The following SLC22A15 variants were observed in gnomAD, a reference collection of about 807,000 sequenced individuals.
SLC22A15 encodes flipt 1.
In SLC22A15, 45 loss-of-function variants were observed where a neutral mutation model predicts 62.7. The ratio of observed to expected loss-of-function variants is 0.72; its 90% CI spans 0.56 to 0.92. SLC22A15 has a LOEUF of 0.92. Among genes scored for constraint, SLC22A15 ranks in the 40% least tolerant of loss-of-function variants. The probability of loss-of-function intolerance (pLI) is 0.00; values close to 1 mark genes in which losing one functional copy is unlikely to be tolerated. For missense variants in SLC22A15, 622 were observed against 665.6 expected, an observed-to-expected ratio of 0.93 and a Z score of 0.72; for synonymous variants, 264 against 267.0, an observed-to-expected ratio of 0.99 and a Z score of 0.11.
chr1:116,055,090 C>A (rs1658164976), intron 8 of SLC22A15, among the ~76,000 whole-genome samples: 1 of 149,284 alleles, frequency 6.7e-6, no homozygotes, highest in Non-Finnish European at 1.5e-5. Context: ...CACAAAAAAC[C>A]CTTCAAAAAA....
At chr1:116,063,431 G>A (rs150922334) in intron 9 of SLC22A15, among the ~76,000 whole-genome samples, 2,349 of 152,246 alleles carry the variant, frequency 0.015, 38 homozygotes, top group South Asian at 0.026. Context: ...CTGAAAGCAA[G>A]AAACACACCC....
At chr1:115,995,696 C>T (rs1468836433) in intron 2 of SLC22A15, among the ~76,000 whole-genome samples, 3 of 152,322 alleles carry the variant, frequency 2.0e-5, no homozygotes, top group African/African-American at 7.2e-5. Flanking sequence ...ACCATATGTA[C>T]ATAATCTTGG....
intron 2 of SLC22A15, among the ~76,000 whole-genome samples, chr1:116,019,381 A>C (rs1036995284): frequency 1.3e-5 from 2 of 152,260 alleles, no homozygotes; most frequent in Admixed American, 6.5e-5. Context: ...GTGGGAGTGC[A>C]TCATAATAAT....
At chr1:115,996,854 T>A (rs888933583) in intron 2 of SLC22A15, among the ~76,000 whole-genome samples, 2 of 152,262 alleles carry the variant, frequency 1.3e-5, no homozygotes, top group African/African-American at 4.8e-5. Flanking sequence ...TTCATCTAAG[T>A]TGTCGCTTAT....
intron 1 of SLC22A15, among the ~76,000 whole-genome samples, chr1:115,976,946 C>T (rs1456213957): frequency 2.0e-5 from 3 of 152,110 alleles, no homozygotes; most frequent in Non-Finnish European, 4.4e-5. Flanking sequence ...TCTGCTGGGC[C>T]CTCCACCCCG....
intron 8 of SLC22A15, among the ~76,000 whole-genome samples, chr1:116,041,989 CA>C (rs1657800165): frequency 6.6e-6 from 1 of 151,368 alleles, no homozygotes; most frequent in Non-Finnish European, 1.5e-5. Context: ...TGCTTAAAAA[CA>C]AAACTCAGAA....
At chr1:115,987,188 C>A (rs1172603328) in intron 1 of SLC22A15, among the ~76,000 whole-genome samples, 1 of 137,266 alleles carries the variant, frequency 7.3e-6, no homozygotes, top group East Asian at 2.1e-4. Context: ...TTTTTTGAGA[C>A]GGAGTCTTGC....
chr1:115,982,185 G>T (rs1408386887), intron 1 of SLC22A15, among the ~76,000 whole-genome samples: 2 of 152,134 alleles, frequency 1.3e-5, no homozygotes, highest in Non-Finnish European at 2.9e-5. Flanking sequence ...CACACAGCTC[G>T]GGACTCTCCT....
chr1:116,037,637 G>T, intron 8 of SLC22A15: 2 of 373,210 alleles, frequency 5.4e-6, no homozygotes, highest in Non-Finnish European at 9.8e-6. Context: ...CTGAGATGTA[G>T]TATTGGTGAT....
At chr1:116,018,808 G>A (rs1656675846) in intron 2 of SLC22A15, among the ~76,000 whole-genome samples, 1 of 152,100 alleles carries the variant, frequency 6.6e-6, no homozygotes, top group African/African-American at 2.4e-5. Context: ...GTATATTATT[G>A]TTAGCTATAG....
intron 1 of SLC22A15, among the ~76,000 whole-genome samples, chr1:115,981,980 T>C (rs1483408138): frequency 6.6e-6 from 1 of 152,242 alleles, no homozygotes; most frequent in Middle Eastern, 3.2e-3. Flanking sequence ...CATCAGTCTC[T>C]ACTGTGCACT....
At position 116,016,098 on chromosome 1, in the gene SLC22A15, CTCTT is replaced by C. The variant is rs780520311; in HGVS notation, c.301-3480_301-3477del. Among the ~76,000 whole-genome samples, 10 of 149,602 alleles carry C rather than the reference CTCTT, an allele frequency of 6.7e-5. No homozygotes were observed. The East Asian group carries it at 9.8e-4, about 15-fold the overall frequency. ...TTTCTTTTTCTTTTCTTTTCTTTCTCTCTTTCTCTCCTTCTTTCTCTCTTTTCTT... is the reference window on the plus strand; with the variant it reads ...TTTCTTTTTCTTTTCTTTTCTTTCTCTCTCTCCTTCTTTCTCTCTTTTCTT... On this transcript the variant is annotated intron_variant, in intron 2 of 11. Coordinates refer to ENST00000369503, the MANE Select transcript of SLC22A15 (RefSeq NM_018420.3).
intron 11 of SLC22A15, 121 bp from the exon 12 acceptor site, chr1:116,066,898 T>C: frequency 2.1e-6 from 2 of 953,166 alleles, no homozygotes; most frequent in Non-Finnish European, 3.2e-6. Context: ...TTTTAGGGGC[T>C]ATTTCTTGGG....
At chr1:116,043,250 C>A (rs1441043711) in intron 8 of SLC22A15, among the ~76,000 whole-genome samples, 1 of 152,050 alleles carries the variant, frequency 6.6e-6, no homozygotes, top group African/African-American at 2.4e-5. Flanking sequence ...ATGGTGAAAC[C>A]CTGTCTCTAA....
At chr1:115,982,851 T>TGTG in intron 1 of SLC22A15, among the ~76,000 whole-genome samples, 1 of 152,242 alleles carries the variant, frequency 6.6e-6, no homozygotes, top group East Asian at 1.9e-4. Context: ...ATACCTTCTC[T>TGTG]GTTAGGGAAC....
At chr1:116,014,277 C>G (rs1199377179) in intron 2 of SLC22A15, among the ~76,000 whole-genome samples, 1 of 152,170 alleles carries the variant, frequency 6.6e-6, no homozygotes, top group Non-Finnish European at 1.5e-5. Context: ...TTCCTTTCAT[C>G]TTTTATGTTA....
At chr1:116,027,148 A>G in intron 5 of SLC22A15, 126 bp downstream of exon 5, 1 of 874,986 alleles carries the variant, frequency 1.1e-6, no homozygotes, top group Non-Finnish European at 1.8e-6. Flanking sequence ...GTGAAGAACT[A>G]AATTCTGCAA....
At chr1:115,997,459 T>C (rs1655486902) in intron 2 of SLC22A15, among the ~76,000 whole-genome samples, 1 of 152,162 alleles carries the variant, frequency 6.6e-6, no homozygotes, top group Admixed American at 6.5e-5. Flanking sequence ...CATTTTTTTG[T>C]GTCCTTTTCA....
intron 1 of SLC22A15, among the ~76,000 whole-genome samples, chr1:115,980,653 A>C (rs996999999): frequency 6.6e-6 from 1 of 152,202 alleles, no homozygotes; most frequent in Non-Finnish European, 1.5e-5. Context: ...AATATATATA[A>C]ACAGTATAGA....
Sources: allele counts gnomAD v4.1 joint callset (sites outside exome capture counted in the v4.1 genomes callset), GRCh38; gene constraint gnomAD v4.1.1; transcripts MANE v1.5; gene names NCBI Gene and HGNC (gene_info 2026-07-23, HGNC 2026-07-21).